Variants in GRIA4 observed in about 807,000 individuals in gnomAD.
GRIA4 encodes the protein glutamate ionotropic receptor AMPA type subunit 4, also known as glutamate receptor 4.
Under a neutral mutation model 104.0 loss-of-function variants are expected in GRIA4, and 34 were observed. The ratio of observed to expected loss-of-function variants is 0.33; its 90% CI spans 0.25 to 0.44. The LOEUF is 0.44. Among genes scored for constraint, GRIA4 ranks in the 20% least tolerant of loss-of-function variants. The pLI, the probability that GRIA4 is intolerant of heterozygous loss-of-function variation, is 1.00. For synonymous variants in GRIA4, 386 were observed against 381.9 expected, an observed-to-expected ratio of 1.01 and a Z score of -0.13; for missense variants, 750 against 1,096.5, an observed-to-expected ratio of 0.68 and a Z score of 4.46.
intron 11 of GRIA4, among the ~76,000 whole-genome samples, chr11:105,923,258 T>C (rs1158573201): frequency 6.6e-6 from 1 of 152,178 alleles, no homozygotes; most frequent in African/African-American, 2.4e-5. Flanking sequence ...TTGTAGATCA[T>C]GCGACAGTTT....
intron 5 of GRIA4, among the ~76,000 whole-genome samples, chr11:105,869,542 T>C (rs1474299588): frequency 6.6e-6 from 1 of 152,144 alleles, no homozygotes; most frequent in Non-Finnish European, 1.5e-5. Flanking sequence ...ATTATTTCAG[T>C]AGAATTTTGC....
chr11:105,700,888 T>C (rs1296439240), intron 3 of GRIA4, among the ~76,000 whole-genome samples: 1 of 152,184 alleles, frequency 6.6e-6, no homozygotes, highest in Non-Finnish European at 1.5e-5. Context: ...CAAATCTATA[T>C]TGACTTTTCT....
chr11:105,941,158 T>C (rs1245100794), intron 14 of GRIA4, among the ~76,000 whole-genome samples: 1 of 152,200 alleles, frequency 6.6e-6, no homozygotes, highest in Non-Finnish European at 1.5e-5. Context: ...GAGAAGATTT[T>C]GTAAATAATT....
At chr11:105,811,995 G>A (rs1000565186) in intron 4 of GRIA4, among the ~76,000 whole-genome samples, 5 of 152,306 alleles carry the variant, frequency 3.3e-5, no homozygotes, top group South Asian at 2.1e-4. Context: ...TCTGCAGACC[G>A]TGATTTTAGA....
chr11:105,650,629 T>C (rs1050628596), intron 3 of GRIA4, among the ~76,000 whole-genome samples: 3 of 152,178 alleles, frequency 2.0e-5, no homozygotes, highest in African/African-American at 7.2e-5. Context: ...GAATCTCTAG[T>C]TAGGAAGGGC....
intron 14 of GRIA4, among the ~76,000 whole-genome samples, chr11:105,949,702 T>C (rs573778042): frequency 6.6e-6 from 1 of 152,240 alleles, no homozygotes; most frequent in South Asian, 2.1e-4. Context: ...TACTGGAAAA[T>C]GTTAAGAAAT....
intron 3 of GRIA4, among the ~76,000 whole-genome samples, chr11:105,704,302 G>A (rs1953614112): frequency 6.6e-6 from 1 of 152,118 alleles, no homozygotes; most frequent in African/African-American, 2.4e-5. Flanking sequence ...TCTAGAGATA[G>A]TGACTTTGAT....
intron 3 of GRIA4, among the ~76,000 whole-genome samples, chr11:105,649,966 C>T (rs1297926651): frequency 6.6e-6 from 1 of 151,946 alleles, no homozygotes; most frequent in Non-Finnish European, 1.5e-5. Flanking sequence ...TTTGAATTAT[C>T]TAAGAAAATA....
intron 4 of GRIA4, among the ~76,000 whole-genome samples, chr11:105,857,108 G>A (rs1398464586): frequency 6.6e-6 from 1 of 152,122 alleles, no homozygotes; most frequent in African/African-American, 2.4e-5. Context: ...ACTGAAACCT[G>A]GGAGTCCAGA....
At chr11:105,763,016 T>G (rs936401697) in intron 4 of GRIA4, among the ~76,000 whole-genome samples, 2 of 152,220 alleles carry the variant, frequency 1.3e-5, no homozygotes, top group Admixed American at 6.5e-5. Flanking sequence ...GAGTCATGTT[T>G]CAGTGCTTGG....
At chr11:105,907,662 C>G (rs1054887742) in intron 9 of GRIA4, among the ~76,000 whole-genome samples, 2 of 152,154 alleles carry the variant, frequency 1.3e-5, no homozygotes, top group African/African-American at 4.8e-5. Flanking sequence ...AGGGAATGCT[C>G]CAGAGCTGCA....
intron 3 of GRIA4, among the ~76,000 whole-genome samples, chr11:105,749,688 C>T (rs1056364517): frequency 6.6e-6 from 1 of 152,032 alleles, no homozygotes; most frequent in Admixed American, 6.6e-5. Flanking sequence ...TGGGAATGAA[C>T]CTGATGAGAA....
chr11:105,807,923 C>G (rs984882580), intron 4 of GRIA4, among the ~76,000 whole-genome samples: 2 of 151,848 alleles, frequency 1.3e-5, no homozygotes, highest in African/African-American at 2.4e-5. Context: ...ATCTGTACAG[C>G]CTGTTACCTT....
At chr11:105,777,163 C>T (rs1353571922) in intron 4 of GRIA4, among the ~76,000 whole-genome samples, 1 of 152,122 alleles carries the variant, frequency 6.6e-6, no homozygotes, top group East Asian at 1.9e-4. Flanking sequence ...GTAAGTGATT[C>T]TAATTTTTTT....
At position 105,972,534 on chromosome 11, in the gene GRIA4, T is replaced by C. The variant is rs539553292; in HGVS notation, c.2409+506T>C. Among the ~76,000 whole-genome samples the C allele has an allele frequency of 9.8e-5, 15 of 152,294 alleles. 1 individual carries two copies. The East Asian group carries it at 2.1e-3, about 22-fold the overall frequency. ...AAGAACCTCCATTATATTTCTGTGC[T>C]GATAGAGAAACAGAGTGAACCTTTC... On this transcript the variant is annotated intron_variant, in intron 15 of 16. Transcript: ENST00000282499.
chr11:105,941,634 A>G (rs543051066), intron 14 of GRIA4, among the ~76,000 whole-genome samples: 58 of 152,274 alleles, frequency 3.8e-4, no homozygotes, highest in African/African-American at 1.3e-3. Context: ...TAAAAATTCA[A>G]TCTGTTTTCT....
intron 3 of GRIA4, among the ~76,000 whole-genome samples, chr11:105,723,961 A>T (rs1455381283): frequency 1.3e-5 from 2 of 152,144 alleles, no homozygotes; most frequent in Non-Finnish European, 2.9e-5. Context: ...ATTGCAGTGA[A>T]ATATCATCTG....
At chr11:105,837,171 T>A (rs1242335913) in intron 4 of GRIA4, among the ~76,000 whole-genome samples, 1 of 152,038 alleles carries the variant, frequency 6.6e-6, no homozygotes, top group African/African-American at 2.4e-5. Context: ...AAGAACAGCA[T>A]GAGGGAAACC....
At chr11:105,765,994 C>A (rs1940918178) in intron 4 of GRIA4, among the ~76,000 whole-genome samples, 1 of 152,052 alleles carries the variant, frequency 6.6e-6, no homozygotes, top group East Asian at 1.9e-4. Flanking sequence ...TTCATAAAAG[C>A]AACTCAATAA....
Sources: allele counts gnomAD v4.1 joint callset (sites outside exome capture counted in the v4.1 genomes callset), GRCh38; gene constraint gnomAD v4.1.1; transcripts MANE v1.5; gene names NCBI Gene and HGNC (gene_info 2026-07-23, HGNC 2026-07-21).